The following HERC2 variants were observed in gnomAD, a reference collection of about 807,000 sequenced individuals.
The protein encoded by HERC2 is HECT and RLD domain containing E3 ubiquitin protein ligase 2.
HERC2 carries 102 observed loss-of-function variants against 537.7 expected under a neutral mutation model. The ratio of observed to expected loss-of-function variants is 0.19; its 90% confidence interval spans 0.16 to 0.22. The LOEUF is 0.22. HERC2 is among the 10% of genes least tolerant of loss of function. The pLI, the probability that HERC2 is intolerant of heterozygous loss-of-function variation, is 1.00. For missense variants in HERC2, 4,236 were observed against 6,198.2 expected, an observed-to-expected ratio of 0.68 and a Z score of 10.63; for synonymous variants, 2,224 against 2,466.2, an observed-to-expected ratio of 0.90 and a Z score of 2.91.
chr15:28,249,011 G>GCTTC (rs1308833395), intron 20 of HERC2, among the ~76,000 whole-genome samples: 1 of 152,206 alleles, frequency 6.6e-6, no homozygotes, highest in East Asian at 1.9e-4. Flanking sequence ...GGTCCAAACT[G>GCTTC]CAGAAGATCT....
intron 52 of HERC2, among the ~76,000 whole-genome samples, chr15:28,194,038 T>G (rs1897099348): frequency 1.3e-5 from 2 of 149,962 alleles, no homozygotes; most frequent in Non-Finnish European, 1.5e-5. Flanking sequence ...AATCATCACA[T>G]GCCCCACATG....
intron 3 of HERC2, among the ~76,000 whole-genome samples, chr15:28,297,709 A>C (rs1349683206): frequency 2.0e-5 from 3 of 152,314 alleles, no homozygotes; most frequent in Middle Eastern, 3.4e-3. Context: ...TCTGGGAAGA[A>C]GGGGCAGGAC....
intron 52 of HERC2, among the ~76,000 whole-genome samples, chr15:28,193,246 A>G (rs1897019051): frequency 6.6e-6 from 1 of 152,228 alleles, no homozygotes; most frequent in Admixed American, 6.5e-5. Context: ...CTTTAATATA[A>G]TAACTATGCT....
chr15:28,259,039 C>T (rs2075344937), intron 16 of HERC2, among the ~76,000 whole-genome samples: 1 of 152,158 alleles, frequency 6.6e-6, no homozygotes. Context: ...ACAAACAGGT[C>T]ACCTGAATAC....
At chr15:28,301,095 G>A (rs774276286) in intron 2 of HERC2, among the ~76,000 whole-genome samples, 1 of 151,748 alleles carries the variant, frequency 6.6e-6, no homozygotes, top group African/African-American at 2.4e-5. Context: ...ACAAAGATGA[G>A]CCTGTTTCCT....
intron 2 of HERC2, among the ~76,000 whole-genome samples, chr15:28,300,033 C>T (rs2345414): frequency 6.1e-5 from 8 of 130,704 alleles, no homozygotes; most frequent in African/African-American, 1.4e-4. Flanking sequence ...GCCTGAGTGA[C>T]AAGAGCGAGA....
Position 28,111,659 on chromosome 15 carries a change from AC to A in HERC2, c.*103del. The A allele has an allele frequency of 7.9e-7, 1 of 1,267,358 alleles. No individual in the cohort carries two copies. Among genetic ancestry groups the A allele is most frequent in the Non-Finnish European group, 1.1e-6 (1 of 902,454 alleles). The allele number at this position is 1,267,358 out of a possible 1,614,324, so 78.5% of individuals were successfully genotyped here. A position where few individuals can be genotyped will look rare whatever the true frequency, so the allele number is the denominator to read the frequency against. ...CTCCCTCCTCCCGCCTGGCTCGAGG[AC>A]GGACGCTTCTCATCAGACACACCAG... On this transcript the variant is annotated 3_prime_UTR_variant, in exon 93 of 93. Transcript: ENST00000261609.
At chr15:28,247,268 C>T (rs1186290022) in intron 21 of HERC2, among the ~76,000 whole-genome samples, 1 of 151,264 alleles carries the variant, frequency 6.6e-6, no homozygotes, top group African/African-American at 2.4e-5. Flanking sequence ...GTAGTTAGAT[C>T]TACAGGCATG....
At chr15:28,198,865 T>C in intron 48 of HERC2, 96 bp from the exon 49 acceptor site, 1 of 1,169,532 alleles carries the variant, frequency 8.6e-7, no homozygotes, top group Non-Finnish European at 1.2e-6. Flanking sequence ...TAAAGAATTC[T>C]GACTGGGCAT....
chr15:28,181,901 C>T (rs373807532), intron 57 of HERC2, among the ~76,000 whole-genome samples: 1 of 152,172 alleles, frequency 6.6e-6, no homozygotes, highest in South Asian at 2.1e-4. Flanking sequence ...CACAACAAGC[C>T]CTGCAGAGAA....
intron 35 of HERC2, among the ~76,000 whole-genome samples, chr15:28,225,479 C>T (rs1282353855): frequency 2.0e-5 from 3 of 151,866 alleles, no homozygotes; most frequent in African/African-American, 4.8e-5. Context: ...GGGCGGATCG[C>T]GAGGTCAAGA....
chr15:28,303,899 C>G, intron 2 of HERC2, among the ~76,000 whole-genome samples: 1 of 152,156 alleles, frequency 6.6e-6, no homozygotes, highest in East Asian at 1.9e-4. Context: ...GGCACAGTGG[C>G]TCATACCTGT....
At chr15:28,296,017 C>CAGAAA (rs1004108829) in intron 3 of HERC2, among the ~76,000 whole-genome samples, 8 of 151,870 alleles carry the variant, frequency 5.3e-5, no homozygotes, top group African/African-American at 1.9e-4. Flanking sequence ...GACCCTGTCT[C>CAGAAA]AGAAAATAAA....
intron 56 of HERC2, among the ~76,000 whole-genome samples, chr15:28,184,266 A>C (rs907977360): frequency 9.9e-5 from 15 of 152,084 alleles, no homozygotes; most frequent in Admixed American, 8.5e-4. Flanking sequence ...GGAAACCAGG[A>C]CTGATATTCA....
chr15:28,117,178 C>T (rs752644836), intron 86 of HERC2, 24 bp from the exon 87 acceptor site: 7 of 1,612,186 alleles, frequency 4.3e-6, no homozygotes, highest in Middle Eastern at 3.3e-4. Context: ...AGCAAGCAAG[C>T]GTGAGGCCGC....
At chr15:28,133,564 A>G (rs746807928) in intron 79 of HERC2, among the ~76,000 whole-genome samples, 2 of 152,230 alleles carry the variant, frequency 1.3e-5, no homozygotes, top group African/African-American at 2.4e-5. Context: ...AGAACTTTTA[A>G]GTTTTACATT....
rs1567044232 is a variant in HERC2, at chr15:28,229,557, T to C, written c.5023A>G (p.Ile1675Val). 3 of 1,613,460 alleles carry C rather than the reference T, an allele frequency of 1.9e-6. No homozygotes were observed. Among genetic ancestry groups the C allele is most frequent in the Non-Finnish European group, 2.5e-6 (3 of 1,179,824 alleles). ...AEVRLEGIDT[I>V]LKLASKNFLL... ...AAATTCTTGCTCGCCAGTTTTAAAA[T>C]TGTATCTATCCCTTCCAGGCGAACC... is the stretch of plus-strand genomic sequence containing the variant. Residue 1675 changes from isoleucine (I) to valine (V), a missense_variant, in exon 33 of 93, where the codon ATT becomes GTT. Physicochemically the swap from Ile to Val is conservative, Grantham distance 29. Coordinates refer to ENST00000261609, the MANE Select transcript of HERC2 (RefSeq NM_004667.6).
intron 2 of HERC2, among the ~76,000 whole-genome samples, chr15:28,306,047 T>C (rs2076778394): frequency 6.6e-6 from 1 of 152,226 alleles, no homozygotes; most frequent in South Asian, 2.1e-4. Context: ...GGAGAGGATG[T>C]GGAGAAATAG....
chr15:28,191,339 G>A (rs1303333890), intron 53 of HERC2, 95 bp from the exon 54 acceptor site: 8 of 751,040 alleles, frequency 1.1e-5, no homozygotes, highest in Non-Finnish European at 1.6e-5. Flanking sequence ...ATCTACATGA[G>A]ATTTTTTCAA....
Sources: gnomAD v4.1 joint callset for allele counts (sites outside exome capture counted in the v4.1 genomes callset) on GRCh38, gnomAD v4.1.1 for gene constraint, MANE v1.5 for transcripts, NCBI Gene and HGNC (gene_info 2026-07-23, HGNC 2026-07-21) for gene names.